The following ATP7A variants were observed in gnomAD, a reference collection of about 807,000 sequenced individuals.
ATP7A encodes ATPase copper transporting alpha, also known as copper-transporting ATPase 1.
A neutral mutation model predicts 83.5 loss-of-function variants in ATP7A; 7 were observed. The ratio of observed to expected loss-of-function variants is 0.08; its 90% CI spans 0.05 to 0.16. The LOEUF (loss-of-function observed/expected upper bound fraction) is 0.16. ATP7A is among the 10% of genes least tolerant of loss of function. The pLI is 1.00. For synonymous variants in ATP7A, 354 were observed against 395.2 expected, an observed-to-expected ratio of 0.90 and a Z score of 1.24; for missense variants, 940 against 1,120.8, an observed-to-expected ratio of 0.84 and a Z score of 2.30.
chrX:78,043,697 G>T (rs1250640068), intron 21 of ATP7A, among the ~76,000 whole-genome samples: 1 of 87,467 alleles, frequency 1.1e-5, no homozygotes, highest in Non-Finnish European at 2.2e-5. Context: ...TCACTCTGTT[G>T]CCCAGGCTGG....
At chrX:77,961,369 A>G (rs1557228059) in intron 1 of ATP7A, among the ~76,000 whole-genome samples, 1 of 111,990 alleles carries the variant, frequency 8.9e-6, no homozygotes, top group African/African-American at 3.2e-5. Flanking sequence ...TCAGTCTTAC[A>G]TTCCTAAACA....
chrX:78,023,387 G>A (rs1360496492), intron 14 of ATP7A, among the ~76,000 whole-genome samples: 2 of 112,443 alleles, frequency 1.8e-5, no homozygotes, highest in South Asian at 3.6e-4. Flanking sequence ...ACTGTTTTCC[G>A]TAGAGGTTGA....
At chrX:77,919,272 A>G (rs1449864496) in intron 1 of ATP7A, among the ~76,000 whole-genome samples, 1 of 111,181 alleles carries the variant, frequency 9.0e-6, no homozygotes, top group Admixed American at 9.6e-5. Flanking sequence ...TTCCTTACCT[A>G]TAAGAGGAAA....
At chrX:77,915,328 G>GAA (rs1194256532) in intron 1 of ATP7A, among the ~76,000 whole-genome samples, 1 of 95,586 alleles carries the variant, frequency 1.0e-5, no homozygotes, top group Non-Finnish European at 2.1e-5. Flanking sequence ...GTCTTGTCCG[G>GAA]AAAAAAAAAA....
At chrX:77,963,929 A>C (rs1340664768) in intron 1 of ATP7A, 3 of 112,840 alleles carry the variant, frequency 2.7e-5, no homozygotes, top group African/African-American at 9.6e-5. Flanking sequence ...AAAATGAAAG[A>C]CTGTCTAGAA....
intron 5 of ATP7A, among the ~76,000 whole-genome samples, chrX:78,001,255 T>A (rs1351480606): frequency 9.0e-6 from 1 of 111,303 alleles, no homozygotes; most frequent in Non-Finnish European, 1.9e-5. Flanking sequence ...TATAGAAAAA[T>A]TAGATTATAT....
chrX:78,024,085 T>C (rs1268075873), intron 14 of ATP7A, among the ~76,000 whole-genome samples: 2 of 111,829 alleles, frequency 1.8e-5, no homozygotes, highest in South Asian at 3.7e-4. Flanking sequence ...TTGTCAACTT[T>C]GTTGAAGACC....
rs182201686 is a variant in ATP7A at position 77,915,185 on chromosome X, C to T, written c.-22+4350C>T. ...CAAAAATTAGCTGAGTGTGTTGGCACGTGCCTGTAGTCCCAGCTACTCAGG... is the reference window on the plus strand; with the variant it reads ...CAAAAATTAGCTGAGTGTGTTGGCATGTGCCTGTAGTCCCAGCTACTCAGG... On this transcript the variant is annotated intron_variant, in intron 1 of 22. Transcript: ENST00000341514. 4.4e-3 allele frequency among the ~76,000 whole-genome samples: 494 copies of T among 111,171 alleles called. 4 individuals carry two copies. The highest frequency in any genetic ancestry group is 0.015 in the African/African-American group (467 of 30,545).
At chrX:78,022,264 C>A (rs1179910245) in intron 14 of ATP7A, among the ~76,000 whole-genome samples, 1 of 110,768 alleles carries the variant, frequency 9.0e-6, no homozygotes, top group Non-Finnish European at 1.9e-5. Flanking sequence ...AAAGCCCCTT[C>A]CAGCTGTGTT....
At chrX:77,972,663 A>G (rs1192644224) in intron 2 of ATP7A, among the ~76,000 whole-genome samples, 25 of 110,623 alleles carry the variant, frequency 2.3e-4, no homozygotes, top group African/African-American at 8.2e-4. Context: ...ATGCCAGCTA[A>G]TTTTTTAATT....
At chrX:77,984,057 G>T (rs1399869404) in intron 2 of ATP7A, among the ~76,000 whole-genome samples, 4 of 111,814 alleles carry the variant, frequency 3.6e-5, no homozygotes, top group Non-Finnish European at 5.6e-5. Context: ...CCTAATAAAA[G>T]ATTAAGAGAA....
In ATP7A at chrX:77,998,663, C is replaced by G; in HGVS notation, c.1522C>G (p.Arg508Gly). The G allele has an allele frequency of 8.3e-7, 1 of 1,211,457 alleles. No individual in the cohort carries two copies. Residue 508 changes from arginine (R) to glycine (G), a missense_variant, in exon 5 of 23, where the codon CGG becomes GGG. Around this residue, in one of 3 missense-constraint regions of ATP7A, gnomAD observed 350 missense variants for 432.8 expected, o/e 0.81. Coordinates refer to ENST00000341514, the MANE Select transcript of ATP7A (RefSeq NM_000052.7). ...TCASCVANIERNLRREEGIYS... is the reference protein window; with the variant it reads ...TCASCVANIEGNLRREEGIYS... ...CGCTTCCTGTGTAGCAAACATTGAACGGAATTTAAGGCGGGAAGAAGGTGA... is the reference window on the plus strand; with the variant it reads ...CGCTTCCTGTGTAGCAAACATTGAAGGGAATTTAAGGCGGGAAGAAGGTGA...
chrX:77,927,242 T>G (rs1180414974), intron 1 of ATP7A, among the ~76,000 whole-genome samples: 1 of 111,646 alleles, frequency 9.0e-6, no homozygotes, highest in Non-Finnish European at 1.9e-5. Flanking sequence ...TATCATTTCT[T>G]TCTTTTTTTT....
rs1476228153 is a variant in ATP7A, at chrX:78,046,692, A to G, written c.*122A>G. 1.0e-6 allele frequency: 1 copy of G among 966,494 alleles called. No homozygotes were observed. Among genetic ancestry groups the G allele is most frequent in the East Asian group, 3.1e-5 (1 of 32,632 alleles). The allele number at this position is 966,494 out of a possible 1,213,427, so 79.6% of individuals were successfully genotyped here. Reference sequence around the variant, plus strand: ...CTCATGCTCTTATATTAGGGATTCTATTTGAGTTGCGTTTATCTGTTGGCA... The same window carrying G: ...CTCATGCTCTTATATTAGGGATTCTGTTTGAGTTGCGTTTATCTGTTGGCA... On this transcript the variant is annotated 3_prime_UTR_variant, in exon 23 of 23. Coordinates refer to ENST00000341514, the MANE Select transcript of ATP7A (RefSeq NM_000052.7).
chrX:78,025,679 C>A (rs1557236261), intron 14 of ATP7A, among the ~76,000 whole-genome samples: 1 of 110,921 alleles, frequency 9.0e-6, no homozygotes, highest in Admixed American at 9.7e-5. Context: ...TTAAAGGCAG[C>A]TACAGAAAAG....
intron 18 of ATP7A, among the ~76,000 whole-genome samples, chrX:78,039,831 A>G (rs2078036211): frequency 8.9e-6 from 1 of 112,039 alleles, no homozygotes; most frequent in Non-Finnish European, 1.9e-5. Context: ...ATGCTTTCTA[A>G]TGTTGCTATA....
At chrX:77,979,109 G>A (rs782077420) in intron 2 of ATP7A, among the ~76,000 whole-genome samples, 5 of 111,356 alleles carry the variant, frequency 4.5e-5, no homozygotes, top group Non-Finnish European at 9.4e-5. Context: ...TGGGATTACA[G>A]GTGTGAGCCA....
At chrX:77,958,901 G>T (rs782805100) in intron 1 of ATP7A, among the ~76,000 whole-genome samples, 8 of 104,337 alleles carry the variant, frequency 7.7e-5, no homozygotes, top group Middle Eastern at 0.01. Flanking sequence ...TGATTCTCCT[G>T]CCTCAGCCTC....
chrX:78,026,415 T>C (rs2077943625), intron 14 of ATP7A, among the ~76,000 whole-genome samples: 1 of 112,077 alleles, frequency 8.9e-6, no homozygotes, highest in South Asian at 3.7e-4. Context: ...CACCCAACAT[T>C]GGAGCATCCA....
Sources: gnomAD v4.1 joint callset for allele counts (sites outside exome capture counted in the v4.1 genomes callset) on GRCh38, gnomAD v4.1.1 for gene constraint, gnomAD v4.1.1 regional missense constraint, MANE v1.5 for transcripts, NCBI Gene and HGNC (gene_info 2026-07-23, HGNC 2026-07-21) for gene names.